Variants in PIERCE2 observed in about 807,000 individuals in gnomAD.
PIERCE2 encodes the protein piercer of microtubule wall 2 protein.
the PIERCE2 span, among the ~76,000 whole-genome samples, chr15:55,411,511 C>T: frequency 1.3e-5 from 2 of 151,900 alleles, no homozygotes; most frequent in African/African-American, 2.4e-5. Flanking sequence ...TTTGGCCAGG[C>T]GCAGTGGCTC....
chr15:55,410,395 G>A, the PIERCE2 span: 1 of 152,138 alleles, frequency 6.6e-6, no homozygotes, highest in African/African-American at 2.4e-5. Flanking sequence ...CAGCATTTAA[G>A]GCCCAGTACT....
chr15:55,413,302 A>C, the PIERCE2 span, among the ~76,000 whole-genome samples: 2 of 151,330 alleles, frequency 1.3e-5, no homozygotes, highest in Admixed American at 6.6e-5. Context: ...TTAGCTGGGT[A>C]TGGTGGTGTG....
At chr15:55,417,465 C>T in the PIERCE2 span, among the ~76,000 whole-genome samples, 1 of 151,820 alleles carries the variant, frequency 6.6e-6, no homozygotes, top group Non-Finnish European at 1.5e-5. Flanking sequence ...TGTAATTATT[C>T]AGTTAGCTAT....
chr15:55,408,721 C>T, the PIERCE2 span: 1 of 1,424,108 alleles, frequency 7.0e-7, no homozygotes, highest in Non-Finnish European at 9.5e-7. Flanking sequence ...TTGCCATCTG[C>T]TGCATGAAAA....
the PIERCE2 span, among the ~76,000 whole-genome samples, chr15:55,415,596 G>A: frequency 2.6e-5 from 4 of 152,128 alleles, no homozygotes; most frequent in African/African-American, 7.2e-5. Flanking sequence ...GGGGGTCCGC[G>A]TGAGAGAGTC....
chr15:55,413,507 C>G, the PIERCE2 span, among the ~76,000 whole-genome samples: 3 of 151,902 alleles, frequency 2.0e-5, no homozygotes, highest in Non-Finnish European at 4.4e-5. Flanking sequence ...GCCTGTAATC[C>G]CAGCACTTTG....
At chr15:55,418,523 G>C in the PIERCE2 span, 1 of 1,521,034 alleles carries the variant, frequency 6.6e-7, no homozygotes, top group South Asian at 1.2e-5. Flanking sequence ...TACTGCACCT[G>C]ACAGAACCAG....
chr15:55,412,678 G>T, the PIERCE2 span, among the ~76,000 whole-genome samples: 1 of 152,078 alleles, frequency 6.6e-6, no homozygotes, highest in African/African-American at 2.4e-5. Context: ...AAGGCCTGAG[G>T]ATCACTTCAG....
the PIERCE2 span, among the ~76,000 whole-genome samples, chr15:55,409,353 C>G: frequency 1.3e-5 from 2 of 151,504 alleles, no homozygotes; most frequent in Non-Finnish European, 2.9e-5. Flanking sequence ...TGCAGTGAGC[C>G]GAGATTGCGC....
chr15:55,415,936 C>T, the PIERCE2 span, among the ~76,000 whole-genome samples: 1 of 152,120 alleles, frequency 6.6e-6, no homozygotes, highest in Non-Finnish European at 1.5e-5. Flanking sequence ...TAACTTCCAT[C>T]TAAATCAGTA....
the PIERCE2 span, chr15:55,410,636 C>G: frequency 6.6e-6 from 1 of 152,106 alleles, no homozygotes; most frequent in Admixed American, 6.6e-5. Flanking sequence ...GCAACAAGAG[C>G]AAAACTCCAT....
At chr15:55,412,239 G>A in the PIERCE2 span, among the ~76,000 whole-genome samples, 2 of 152,062 alleles carry the variant, frequency 1.3e-5, no homozygotes, top group African/African-American at 4.8e-5. Flanking sequence ...TACAAATAAA[G>A]GTGAAATGAT....
chr15:55,409,853 T>A, the PIERCE2 span, among the ~76,000 whole-genome samples: 1 of 152,236 alleles, frequency 6.6e-6, no homozygotes, highest in African/African-American at 2.4e-5. Context: ...TTCAAGCCAC[T>A]TTCACAGGCC....
At chr15:55,418,648 TAAA>T in the PIERCE2 span, 3 of 977,382 alleles carry the variant, frequency 3.1e-6, no homozygotes, top group African/African-American at 1.6e-5. Context: ...GAATACCTAA[TAAA>T]GAAGATAAAA....
chr15:55,418,781 A>G, the PIERCE2 span: 1 of 441,698 alleles, frequency 2.3e-6, no homozygotes, highest in East Asian at 3.7e-5. Flanking sequence ...AAAGTGTTTT[A>G]GTCCATGTAA....
chr15:55,411,515 G>A, the PIERCE2 span, among the ~76,000 whole-genome samples: 2 of 152,028 alleles, frequency 1.3e-5, no homozygotes, highest in Admixed American at 1.3e-4. Context: ...GCCAGGCGCA[G>A]TGGCTCACAC....
chr15:55,415,758 C>CT, the PIERCE2 span, among the ~76,000 whole-genome samples: 14 of 152,148 alleles, frequency 9.2e-5, no homozygotes, highest in African/African-American at 2.9e-4. Flanking sequence ...AGGGGTCGAT[C>CT]TTTAACTACC....
the PIERCE2 span, among the ~76,000 whole-genome samples, chr15:55,410,358 G>A: frequency 6.6e-6 from 1 of 152,188 alleles, no homozygotes; most frequent in African/African-American, 2.4e-5. Flanking sequence ...GTTCTCAGCT[G>A]GGCGCGGTGG....
At chr15:55,410,923 CTG>C in the PIERCE2 span, 2 of 152,196 alleles carry the variant, frequency 1.3e-5, no homozygotes, top group African/African-American at 4.8e-5. Flanking sequence ...TATCCAGTAT[CTG>C]TGTTGTTAAT....
Sources: allele counts gnomAD v4.1 joint callset (sites outside exome capture counted in the v4.1 genomes callset), GRCh38; gene constraint gnomAD v4.1.1; transcripts MANE v1.5; gene names NCBI Gene and HGNC (gene_info 2026-07-23, HGNC 2026-07-21).